Variants in DPP6 observed in about 807,000 individuals in gnomAD.
DPP6 encodes the protein dipeptidyl peptidase like 6.
A neutral mutation model predicts 122.6 loss-of-function variants in DPP6; 69 were observed. The observed-to-expected ratio is 0.56, with a 90% CI of 0.46 to 0.69. The LOEUF is 0.69. DPP6 is among the 30% of genes least tolerant of loss of function. DPP6 has a pLI of 0.00. For missense variants in DPP6, 928 were observed against 1,116.9 expected, an observed-to-expected ratio of 0.83 and a Z score of 2.41; for synonymous variants, 418 against 433.1, an observed-to-expected ratio of 0.97 and a Z score of 0.43.
chr7:154,408,704 T>C (rs1816330502), intron 1 of DPP6, among the ~76,000 whole-genome samples: 1 of 152,142 alleles, frequency 6.6e-6, no homozygotes, highest in East Asian at 1.9e-4. Context: ...GAGTTCCCCA[T>C]TGCATTTGCG....
chr7:154,486,857 C>G lies in DPP6; in HGVS notation c.457+11820C>G, dbSNP rs1036839068. On this transcript the variant is annotated intron_variant, in intron 3 of 25. Coordinates refer to ENST00000377770, the MANE Select transcript of DPP6 (RefSeq NM_130797.4). This position sits in a 1 kb window ranked among gnomAD's most constrained non-coding sequence, Gnocchi z 4.5. ...TGCCTGTAGGTCCTCTGGGCGGACT[C>G]TAGTTCCTAACTGATGGATGATGCT... is the stretch of plus-strand genomic sequence containing the variant. Among the ~76,000 whole-genome samples the G allele has an allele frequency of 7.9e-5, 12 of 152,180 alleles. No homozygotes were observed. Among genetic ancestry groups the G allele is most frequent in the Non-Finnish European group, 1.3e-4 (9 of 68,036 alleles).
intron 10 of DPP6, among the ~76,000 whole-genome samples, chr7:154,790,175 G>A (rs556657441): frequency 1.3e-5 from 2 of 152,190 alleles, no homozygotes; most frequent in African/African-American, 2.4e-5. Context: ...TCCAGCCTGG[G>A]CAACAGAGCG....
intron 3 of DPP6, among the ~76,000 whole-genome samples, chr7:154,479,034 C>T (rs1387736527): frequency 6.6e-6 from 1 of 152,178 alleles, no homozygotes; most frequent in African/African-American, 2.4e-5. Flanking sequence ...TTGGAGTTAA[C>T]AGTCTGGAAC....
chr7:154,720,526 A>C (rs972910532), intron 7 of DPP6, among the ~76,000 whole-genome samples: 1 of 152,210 alleles, frequency 6.6e-6, no homozygotes, highest in African/African-American at 2.4e-5. Flanking sequence ...CTGCTCCAGG[A>C]TGGCAGAGAG....
At chr7:153,834,612 A>G in the DPP6 span, among the ~76,000 whole-genome samples, 5 of 152,336 alleles carry the variant, frequency 3.3e-5, no homozygotes, top group East Asian at 9.6e-4. Flanking sequence ...TTTCACAAAT[A>G]TTATCTCATT....
intron 7 of DPP6, among the ~76,000 whole-genome samples, chr7:154,705,884 A>T (rs1840802403): frequency 6.6e-6 from 1 of 152,262 alleles, no homozygotes; most frequent in South Asian, 2.1e-4. Context: ...TTACAGCAAC[A>T]TCTGATCAAT....
At position 154,188,032 on chromosome 7, in the gene DPP6, T is replaced by C. The variant is rs565545441; in HGVS notation, c.243+134969T>C. Among the ~76,000 whole-genome samples the C allele has an allele frequency of 2.4e-4, 36 of 152,136 alleles. No homozygotes were observed. The South Asian group carries it at 6.9e-3, about 29-fold the overall frequency. ...TCCAACATTCCGTACCTGAAGATGC[T>C]AATGGCTCTTTCTCAATGTCAGAGC... On this transcript the variant is annotated intron_variant, in intron 1 of 25. Coordinates refer to ENST00000377770, the MANE Select transcript of DPP6 (RefSeq NM_130797.4).
chr7:154,397,724 G>A (rs536753786), intron 1 of DPP6, among the ~76,000 whole-genome samples: 1 of 152,254 alleles, frequency 6.6e-6, no homozygotes, highest in South Asian at 2.1e-4. Context: ...GCAGCATTTG[G>A]GATGAGTTCT....
intron 7 of DPP6, among the ~76,000 whole-genome samples, chr7:154,703,632 A>AAG (rs201000180): frequency 5.9e-5 from 9 of 151,580 alleles, no homozygotes; most frequent in African/African-American, 2.2e-4. Flanking sequence ...AAAAAAAAAA[A>AAG]AAAGAAAAGA....
intron 1 of DPP6, among the ~76,000 whole-genome samples, chr7:153,990,803 A>G (rs1797138538): frequency 6.6e-6 from 1 of 152,254 alleles, no homozygotes; most frequent in Admixed American, 6.5e-5. Flanking sequence ...AGCTCATTGA[A>G]GAAAAGAGGA....
the DPP6 span, among the ~76,000 whole-genome samples, chr7:153,881,789 T>G: frequency 6.6e-6 from 1 of 152,328 alleles, no homozygotes; most frequent in Non-Finnish European, 1.5e-5. Context: ...TCATTTTCCC[T>G]GGCTCCAGGT....
intron 1 of DPP6, among the ~76,000 whole-genome samples, chr7:154,013,975 G>T: frequency 6.6e-6 from 1 of 151,918 alleles, no homozygotes; most frequent in Non-Finnish European, 1.5e-5. Flanking sequence ...CCCTTGAGGT[G>T]CCCTCAACTC....
At chr7:154,276,655 A>T (rs1804156699) in intron 1 of DPP6, among the ~76,000 whole-genome samples, 1 of 152,196 alleles carries the variant, frequency 6.6e-6, no homozygotes, top group African/African-American at 2.4e-5. Flanking sequence ...AGATGCAGTC[A>T]GTTCTTGCTG....
chr7:154,632,749 CA>C (rs149498331), intron 5 of DPP6, among the ~76,000 whole-genome samples: 8,196 of 148,742 alleles, frequency 0.055, 257 homozygotes, highest in Non-Finnish European at 0.07. Flanking sequence ...GATGAGTGGC[CA>C]AAGAAAAAAC....
At chr7:153,982,701 T>C (rs1212952759) in intron 1 of DPP6, among the ~76,000 whole-genome samples, 2 of 152,188 alleles carry the variant, frequency 1.3e-5, no homozygotes. Context: ...TGGTATTTGA[T>C]GTTGGTGACC....
At chr7:153,762,910 T>G in the DPP6 span, among the ~76,000 whole-genome samples, 4 of 152,160 alleles carry the variant, frequency 2.6e-5, no homozygotes, top group African/African-American at 9.7e-5. Flanking sequence ...ATAAAGCCAC[T>G]AGTTGAGCCA....
At chr7:154,777,836 G>A (rs757742387) in intron 10 of DPP6, among the ~76,000 whole-genome samples, 4 of 152,084 alleles carry the variant, frequency 2.6e-5, no homozygotes, top group Non-Finnish European at 5.9e-5. Context: ...AGCTGTGGGG[G>A]CTCACTCCTC....
At chr7:154,835,309 T>G (rs1242861352) in intron 16 of DPP6, among the ~76,000 whole-genome samples, 1 of 152,158 alleles carries the variant, frequency 6.6e-6, no homozygotes, top group Non-Finnish European at 1.5e-5. Flanking sequence ...AGCCGCGGAC[T>G]GATGGCCCCC....
At chr7:154,430,475 G>A (rs1169559933) in intron 1 of DPP6, among the ~76,000 whole-genome samples, 4 of 152,188 alleles carry the variant, frequency 2.6e-5, no homozygotes, top group African/African-American at 9.6e-5. Context: ...ATGGCAGAGA[G>A]CACAGAGCAG....
Sources: gnomAD v4.1 joint callset for allele counts (sites outside exome capture counted in the v4.1 genomes callset) on GRCh38, gnomAD v4.1.1 for gene constraint, Gnocchi (gnomAD v3.1) non-coding constraint, MANE v1.5 for transcripts, NCBI Gene and HGNC (gene_info 2026-07-23, HGNC 2026-07-21) for gene names.